The following KCNMA1 variants were observed in gnomAD, a reference collection of about 807,000 sequenced individuals.
KCNMA1 encodes potassium calcium-activated channel subfamily M alpha 1.
KCNMA1 carries 29 observed loss-of-function variants against 140.0 expected under a neutral mutation model. The observed-to-expected ratio is 0.21, with a 90% CI of 0.15 to 0.28. The LOEUF (loss-of-function observed/expected upper bound fraction) is 0.28. KCNMA1 is among the 10% of genes least tolerant of loss of function. The probability of loss-of-function intolerance (pLI) is 1.00; values close to 1 mark genes in which losing one functional copy is unlikely to be tolerated. For missense variants in KCNMA1, 880 were observed against 1,602.2 expected (o/e 0.55, Z 7.70); for synonymous variants, 612 against 611.9 (o/e 1.00, Z 0.00).
intron 3 of KCNMA1, chr10:77,249,479 T>C (rs2059281385): frequency 6.6e-6 from 1 of 151,710 alleles, no homozygotes; most frequent in Non-Finnish European, 1.5e-5. Context: ...GACAAAAGGT[T>C]AAAAAAATAA....
At chr10:76,989,773 C>T (rs1166042399) in intron 19 of KCNMA1, among the ~76,000 whole-genome samples, 2 of 151,066 alleles carry the variant, frequency 1.3e-5, no homozygotes, top group Non-Finnish European at 2.9e-5. Flanking sequence ...CTGATATGAC[C>T]TCTTATAAGG....
chr10:76,974,347 G>T (rs2076891286), intron 19 of KCNMA1: 199 of 477,608 alleles, frequency 4.2e-4, no homozygotes, highest in East Asian at 5.0e-4. Context: ...TTGGTATTTT[G>T]CTGCCCAACA....
At chr10:77,321,656 T>C (rs1019043600) in intron 2 of KCNMA1, among the ~76,000 whole-genome samples, 5 of 152,218 alleles carry the variant, frequency 3.3e-5, no homozygotes, top group African/African-American at 1.2e-4. Context: ...GATCAGGCAG[T>C]GTCGGTTTTT....
chr10:77,220,756 G>C (rs1292361135), intron 3 of KCNMA1, among the ~76,000 whole-genome samples: 1 of 145,994 alleles, frequency 6.8e-6, no homozygotes, highest in Non-Finnish European at 1.5e-5. Context: ...ATATATTCCA[G>C]TTTCTGCTAA....
intron 5 of KCNMA1, among the ~76,000 whole-genome samples, chr10:77,177,539 A>G: frequency 6.9e-6 from 1 of 144,088 alleles, no homozygotes; most frequent in East Asian, 2.0e-4. Flanking sequence ...GGGTCTTACT[A>G]TGTTGCCCAG....
intron 1 of KCNMA1, among the ~76,000 whole-genome samples, chr10:77,491,219 G>A (rs2039706488): frequency 6.6e-6 from 1 of 152,194 alleles, no homozygotes; most frequent in South Asian, 2.1e-4. Context: ...ATTAGTGGAT[G>A]GAGAGTTGAT....
intron 3 of KCNMA1, among the ~76,000 whole-genome samples, chr10:77,192,745 C>A (rs1363372769): frequency 6.6e-6 from 1 of 152,102 alleles, no homozygotes; most frequent in Non-Finnish European, 1.5e-5. Context: ...TTCAACTGAA[C>A]AAAAACTGAT....
intron 1 of KCNMA1, among the ~76,000 whole-genome samples, chr10:77,517,865 G>A (rs114382033): frequency 1.3e-3 from 196 of 152,324 alleles, no homozygotes; most frequent in African/African-American, 4.5e-3. Flanking sequence ...GGAAACAGGC[G>A]ATAAGCCAAA....
At chr10:77,480,252 C>T (rs2098363559) in intron 1 of KCNMA1, among the ~76,000 whole-genome samples, 1 of 152,234 alleles carries the variant, frequency 6.6e-6, no homozygotes, top group Non-Finnish European at 1.5e-5. Context: ...TGGCTACAGG[C>T]CAATGACAGC....
intron 1 of KCNMA1, among the ~76,000 whole-genome samples, chr10:77,506,604 T>TGTGTGTGTGTGTGTGG (rs2046028380): frequency 8.8e-6 from 1 of 113,792 alleles, no homozygotes; most frequent in African/African-American, 4.8e-5. Context: ...AGAGTGTGTG[T>TGTGTGTGTGTGTGTGG]GTGTGTGTGT....
intron 2 of KCNMA1, among the ~76,000 whole-genome samples, chr10:77,267,388 C>A (rs2063736893): frequency 6.6e-6 from 1 of 152,140 alleles, no homozygotes. Flanking sequence ...AGAGGCAGAG[C>A]TTAGTCTCAA....
chr10:77,250,560 C>T (rs905149065), intron 3 of KCNMA1: 12 of 156,498 alleles, frequency 7.7e-5, no homozygotes, highest in South Asian at 1.9e-4. Context: ...CCAGTCCATT[C>T]GGCTGGCACC....
intron 1 of KCNMA1, among the ~76,000 whole-genome samples, chr10:77,604,684 C>T (rs1038071223): frequency 3.3e-5 from 5 of 151,910 alleles, no homozygotes; most frequent in African/African-American, 1.2e-4. Flanking sequence ...AAAACCCCAT[C>T]CCCCGCCCCC....
chr10:77,034,933 A>G (rs1309882065), intron 15 of KCNMA1, among the ~76,000 whole-genome samples: 1 of 152,188 alleles, frequency 6.6e-6, no homozygotes, highest in East Asian at 1.9e-4. Context: ...CCTAGAACAC[A>G]GTGTTCTTGA....
intron 3 of KCNMA1, among the ~76,000 whole-genome samples, chr10:77,219,016 T>A (rs1256174232): frequency 2.6e-5 from 4 of 152,164 alleles, no homozygotes; most frequent in Non-Finnish European, 5.9e-5. Context: ...ATAAATTTTT[T>A]AGAGCTAGCC....
chr10:76,964,514 C>A (rs1430171589), intron 20 of KCNMA1, among the ~76,000 whole-genome samples: 1 of 152,134 alleles, frequency 6.6e-6, no homozygotes, highest in South Asian at 2.1e-4. Flanking sequence ...ATGACACCAA[C>A]TACTTTTTTC....
intron 1 of KCNMA1, among the ~76,000 whole-genome samples, chr10:77,435,127 G>T (rs1243708315): frequency 6.6e-6 from 1 of 151,570 alleles, no homozygotes; most frequent in East Asian, 1.9e-4. Context: ...TTGTAGAGAT[G>T]GTGTCTCCCT....
intron 2 of KCNMA1, among the ~76,000 whole-genome samples, chr10:77,301,832 T>C (rs1437211254): frequency 6.7e-6 from 1 of 150,038 alleles, no homozygotes; most frequent in Non-Finnish European, 1.5e-5. Context: ...CTAGATGCTT[T>C]TAGATCACAG....
intron 1 of KCNMA1, among the ~76,000 whole-genome samples, chr10:77,544,767 T>C (rs1321376777): frequency 6.6e-6 from 1 of 152,224 alleles, no homozygotes; most frequent in Non-Finnish European, 1.5e-5. Context: ...CTTTTCATTG[T>C]GGTTGAATAC....
Sources: allele counts gnomAD v4.1 joint callset (sites outside exome capture counted in the v4.1 genomes callset), GRCh38; gene constraint gnomAD v4.1.1; transcripts MANE v1.5; gene names NCBI Gene and HGNC (gene_info 2026-07-23, HGNC 2026-07-21).